FBXL5: variants seen among roughly 807,000 people sequenced by gnomAD.
FBXL5 encodes F-box/LRR-repeat protein 5.
In FBXL5, 26 loss-of-function variants were observed where a neutral mutation model predicts 78.3. The ratio of observed to expected loss-of-function variants is 0.33; its 90% CI spans 0.24 to 0.46. The LOEUF is 0.46. FBXL5 is among the 20% of genes least tolerant of loss of function. The probability of loss-of-function intolerance (pLI) is 1.00; values close to 1 mark genes in which losing one functional copy is unlikely to be tolerated. For missense variants in FBXL5, 710 were observed against 829.2 expected, an observed-to-expected ratio of 0.86 and a Z score of 1.77; for synonymous variants, 295 against 282.5, an observed-to-expected ratio of 1.04 and a Z score of -0.45.
chr4:15,638,124 T>G (rs1172448149), intron 4 of FBXL5, among the ~76,000 whole-genome samples: 8 of 152,036 alleles, frequency 5.3e-5, no homozygotes, highest in Admixed American at 5.2e-4. Context: ...GCCACTATGG[T>G]CAATAAAGCT....
At chr4:15,638,280 A>G (rs769497104) in intron 4 of FBXL5, among the ~76,000 whole-genome samples, 2 of 152,178 alleles carry the variant, frequency 1.3e-5, no homozygotes, top group Non-Finnish European at 2.9e-5. Flanking sequence ...TTCAAGAAAC[A>G]CTACACTGAA....
intron 1 of FBXL5, among the ~76,000 whole-genome samples, chr4:15,665,324 C>T (rs1717494527): frequency 6.6e-6 from 1 of 152,130 alleles, no homozygotes; most frequent in South Asian, 2.1e-4. Flanking sequence ...CGGTGTCAGG[C>T]ATCTTAGCCA....
At chr4:15,609,863 T>G (rs1378107871) in intron 10 of FBXL5, among the ~76,000 whole-genome samples, 2 of 152,072 alleles carry the variant, frequency 1.3e-5, no homozygotes, top group Non-Finnish European at 2.9e-5. Flanking sequence ...CTCCAAAATC[T>G]CTGCTAATGC....
intron 6 of FBXL5, among the ~76,000 whole-genome samples, chr4:15,630,397 C>T (rs368671510): frequency 1.3e-5 from 2 of 152,140 alleles, no homozygotes; most frequent in East Asian, 3.9e-4. Context: ...CTATAATAAA[C>T]GTACATTATT....
chr4:15,665,420 C>T (rs962770493), intron 1 of FBXL5, among the ~76,000 whole-genome samples: 28 of 152,144 alleles, frequency 1.8e-4, no homozygotes. Flanking sequence ...CAGCTCATTT[C>T]TTCTATCCTT....
chr4:15,674,794 C>A (rs777284783), intron 1 of FBXL5, among the ~76,000 whole-genome samples: 1 of 152,012 alleles, frequency 6.6e-6, no homozygotes. Context: ...GGACTACAGG[C>A]GCATGCCACC....
chr4:15,673,298 G>A (rs933027568), intron 1 of FBXL5, among the ~76,000 whole-genome samples: 5 of 151,888 alleles, frequency 3.3e-5, no homozygotes, highest in African/African-American at 7.3e-5. Context: ...AAAATTAGCC[G>A]GGTGTGTTGA....
At chr4:15,652,143 G>A (rs1295500200) in intron 1 of FBXL5, among the ~76,000 whole-genome samples, 1 of 152,144 alleles carries the variant, frequency 6.6e-6, no homozygotes, top group Non-Finnish European at 1.5e-5. Flanking sequence ...TGGAGAACTG[G>A]AGAAAAGACT....
chr4:15,650,926 AACCTATAACTG>A (rs1371878570), intron 1 of FBXL5, among the ~76,000 whole-genome samples: 4 of 152,032 alleles, frequency 2.6e-5, no homozygotes, highest in African/African-American at 9.7e-5. Context: ...CACTGCACCC[AACCTATAACTG>A]ACTTTCTGTC....
Position 15,655,334 on chromosome 4 carries a change from C to G in FBXL5, c.-47G>C. 1 of 1,320,230 alleles carries G rather than the reference C, an allele frequency of 7.6e-7. No individual in the cohort carries two copies. The highest frequency in any genetic ancestry group is 1.0e-6 in the Non-Finnish European group (1 of 1,004,850). The allele number at this position is 1,320,230 out of a possible 1,614,324, so 81.8% of individuals were successfully genotyped here. On this transcript the variant is annotated 5_prime_UTR_variant, in exon 1 of 11. Coordinates refer to ENST00000341285, the MANE Select transcript of FBXL5 (RefSeq NM_012161.4). Reference sequence around the variant, plus strand: ...CTCAGCAGCCGCGGCCGCCGCCTCTCCATAGACACCCTCGCCGCGGGGCAG... The same window carrying G: ...CTCAGCAGCCGCGGCCGCCGCCTCTGCATAGACACCCTCGCCGCGGGGCAG...
At chr4:15,651,376 C>A (rs1248710430) in intron 1 of FBXL5, among the ~76,000 whole-genome samples, 1 of 152,190 alleles carries the variant, frequency 6.6e-6, no homozygotes, top group Non-Finnish European at 1.5e-5. Context: ...AGTTACTTAA[C>A]CACTAAGACT....
chr4:15,622,346 C>A (rs757247170), intron 9 of FBXL5, among the ~76,000 whole-genome samples: 60 of 152,194 alleles, frequency 3.9e-4, no homozygotes, highest in Non-Finnish European at 7.2e-4. Context: ...AACTGGTTGA[C>A]TGAAACACTT....
At position 15,625,232 on chromosome 4, in the gene FBXL5, T is replaced by G. The variant is rs1386052531; in HGVS notation, c.1850+20A>C. On this transcript the variant is annotated intron_variant, in intron 9 of 10. Coordinates refer to ENST00000341285, the MANE Select transcript of FBXL5 (RefSeq NM_012161.4). Reference sequence around the variant, plus strand: ...ATGAGAACACGTCTATTTCTTAATATTCTGGAACTGATAACTCACCTGAGA... The same window carrying G: ...ATGAGAACACGTCTATTTCTTAATAGTCTGGAACTGATAACTCACCTGAGA... 1 of 1,561,502 alleles carries G rather than the reference T, an allele frequency of 6.4e-7. No homozygotes were observed. The highest frequency in any genetic ancestry group is 8.6e-7 in the Non-Finnish European group (1 of 1,162,108).
intron 2 of FBXL5, among the ~76,000 whole-genome samples, chr4:15,642,867 C>G (rs562089760): frequency 1.3e-5 from 2 of 152,292 alleles, no homozygotes; most frequent in East Asian, 3.9e-4. Context: ...TCCTGACCCT[C>G]TTCTATATAC....
At chr4:15,641,521 T>C in intron 2 of FBXL5, 1 of 401,660 alleles carries the variant, frequency 2.5e-6, no homozygotes, top group Non-Finnish European at 4.8e-6. Context: ...TTCTCTAGCT[T>C]ACCTTACTGT....
At chr4:15,636,816 T>C (rs1050070068) in intron 4 of FBXL5, 140 bp from the exon 5 acceptor site, 1 of 606,564 alleles carries the variant, frequency 1.6e-6, no homozygotes, top group Non-Finnish European at 2.8e-6. Flanking sequence ...TGAAATAACA[T>C]GTATTAGAGG....
intron 2 of FBXL5, among the ~76,000 whole-genome samples, chr4:15,643,761 A>G (rs1418659873): frequency 6.6e-6 from 1 of 152,234 alleles, no homozygotes. Context: ...TAAAGTGTTT[A>G]TTCATTCTAA....
chr4:15,643,017 T>G (rs1196872034), intron 2 of FBXL5, among the ~76,000 whole-genome samples: 1 of 152,196 alleles, frequency 6.6e-6, no homozygotes, highest in African/African-American at 2.4e-5. Context: ...TTTCTACTAG[T>G]CATGACTTTA....
At chr4:15,619,162 CA>C (rs989217602) in intron 9 of FBXL5, among the ~76,000 whole-genome samples, 2 of 150,006 alleles carry the variant, frequency 1.3e-5, no homozygotes, top group South Asian at 4.2e-4. Context: ...GACCCTGTCT[CA>C]AAAAAAAACC....
Sources: allele counts gnomAD v4.1 joint callset (sites outside exome capture counted in the v4.1 genomes callset), GRCh38; gene constraint gnomAD v4.1.1; transcripts MANE v1.5; gene names NCBI Gene and HGNC (gene_info 2026-07-23, HGNC 2026-07-21).